The following CREBL2 variants were observed in gnomAD, a reference collection of about 807,000 sequenced individuals.
The protein encoded by CREBL2 is cAMP-responsive element-binding protein-like 2.
Under a neutral mutation model 19.5 loss-of-function variants are expected in CREBL2, and 4 were observed. The observed-to-expected ratio is 0.20, with a 90% CI of 0.10 to 0.47. The LOEUF is 0.47. Among genes scored for constraint, CREBL2 ranks in the 20% least tolerant of loss-of-function variants. CREBL2 has a pLI of 0.98. For synonymous variants in CREBL2, 42 were observed against 46.6 expected (o/e 0.90, Z 0.40); for missense variants, 85 against 145.1 (o/e 0.59, Z 2.13).
rs1272320782 is a variant in CREBL2 at position 12,637,629 on chromosome 12, A to G, written c.273A>G (p.Leu91=). Reference sequence around the variant, plus strand: ...AAATCCCTTCTGAAATAAAGGCCCTACTCACTGGAGAAGAGCAGAACAAAT... The same window carrying G: ...AAATCCCTTCTGAAATAAAGGCCCTGCTCACTGGAGAAGAGCAGAACAAAT... ...QGKIPSEIKA[L]LTGEEQNKSQ... The change falls in exon 3 of 4, where the codon CTA becomes CTG. Residue 91 remains leucine, a synonymous_variant. Transcript: ENST00000228865. 1.2e-6 allele frequency: 2 copies of G among 1,613,166 alleles called. No homozygotes were observed. The highest frequency in any genetic ancestry group is 1.7e-6 in the Non-Finnish European group (2 of 1,179,426).
rs371438601 is a variant in CREBL2, at chr12:12,618,585, G to A, written c.15+6398G>A. On this transcript the variant is annotated intron_variant, in intron 1 of 3. Transcript: ENST00000228865. ...CAGAGGGGCTCCTCACATCCCAGAC[G>A]ATGGGCAGCCAGGCAGAGACGCTCC... Among the ~76,000 whole-genome samples the A allele has an allele frequency of 9.5e-4, 144 of 152,158 alleles. 3 individuals carry two copies. The East Asian group carries it at 0.022, about 23-fold the overall frequency.
intron 3 of CREBL2, among the ~76,000 whole-genome samples, chr12:12,639,978 A>G (rs1031130339): frequency 2.6e-5 from 4 of 152,158 alleles, no homozygotes; most frequent in African/African-American, 4.8e-5. Flanking sequence ...GGAACAGGAC[A>G]AGGGCAAAAG....
In CREBL2 at chr12:12,641,253, A is replaced by ATTATTT. The variant is rs1478394376; in HGVS notation, c.359-739_359-738insATTTTT. ...TATTATTATTATTATTATTATTATTATTTTTTTTTATTTTTTTTTTTTTTA... is the reference window on the plus strand; with the variant it reads ...TATTATTATTATTATTATTATTATTATTATTTTTTTTTTTTATTTTTTTTTTTTTTA... On this transcript the variant is annotated intron_variant, in intron 3 of 3. Transcript: ENST00000228865. Among the ~76,000 whole-genome samples, 97 of 78,214 alleles carry ATTATTT rather than the reference A, an allele frequency of 1.2e-3. 2 individuals carry two copies. Among genetic ancestry groups the ATTATTT allele is most frequent in the Middle Eastern group, 8.5e-3 (1 of 118 alleles). 51.3% of individuals were successfully genotyped at this position (78,214 alleles called of 152,430 possible). A position where few individuals can be genotyped will look rare whatever the true frequency, so the allele number is the denominator to read the frequency against.
chr12:12,624,206 G>A (rs1295603241), intron 1 of CREBL2, among the ~76,000 whole-genome samples: 1 of 152,256 alleles, frequency 6.6e-6, no homozygotes, highest in Non-Finnish European at 1.5e-5. Flanking sequence ...GACATGGCCA[G>A]GGGCCATTAG....
intron 1 of CREBL2, among the ~76,000 whole-genome samples, chr12:12,619,080 G>A (rs1253056637): frequency 6.6e-6 from 1 of 151,992 alleles, no homozygotes; most frequent in East Asian, 1.9e-4. Context: ...GGAGAGGAGG[G>A]AGAGGAGGGA....
At position 12,645,012 on chromosome 12, in the gene CREBL2, G is replaced by A. The variant is rs562303831; in HGVS notation, c.*3014G>A. On this transcript the variant is annotated 3_prime_UTR_variant, in exon 4 of 4. Transcript: ENST00000228865. ...TGCTTTCTCATCTGTAAAAAAGGGG[G>A]GAGGATAACTTTCACAGGGTAATTG... 5.9e-5 allele frequency: 9 copies of A among 152,236 alleles called. No homozygotes were observed. The South Asian group carries it at 1.9e-3, about 32-fold the overall frequency. The allele number at this position is 152,236 out of a possible 1,614,324, so 9.4% of individuals were successfully genotyped here. A position where few individuals can be genotyped will look rare whatever the true frequency, so the allele number is the denominator to read the frequency against.
At chr12:12,637,037 T>C (rs1226877751) in intron 2 of CREBL2, among the ~76,000 whole-genome samples, 1 of 152,224 alleles carries the variant, frequency 6.6e-6, no homozygotes, top group Non-Finnish European at 1.5e-5. Context: ...ATGCTATCAA[T>C]TATTTCTTAC....
intron 3 of CREBL2, among the ~76,000 whole-genome samples, chr12:12,638,298 G>A (rs1000978117): frequency 3.3e-5 from 5 of 151,832 alleles, no homozygotes; most frequent in African/African-American, 9.7e-5. Context: ...AAAATTAGGC[G>A]CAGTGGTGTG....
chr12:12,641,256 T>A (rs55937402), intron 3 of CREBL2, among the ~76,000 whole-genome samples: 19,235 of 86,964 alleles, frequency 0.22, 2,136 homozygotes, highest in South Asian at 0.28. Context: ...TATTATTATT[T>A]TTTTTTATTT....
chr12:12,632,583 A>G (rs1945449487), intron 1 of CREBL2: 1 of 152,146 alleles, frequency 6.6e-6, no homozygotes, highest in Non-Finnish European at 1.5e-5. Context: ...AAAAAGAGCA[A>G]TATATGAGGT....
chr12:12,619,252 A>G (rs1945341583), intron 1 of CREBL2, among the ~76,000 whole-genome samples: 1 of 152,146 alleles, frequency 6.6e-6, no homozygotes, highest in Non-Finnish European at 1.5e-5. Flanking sequence ...AGATAGTGTG[A>G]GAAAGGTAGT....
At chr12:12,621,675 C>T (rs924863949) in intron 1 of CREBL2, among the ~76,000 whole-genome samples, 2 of 152,104 alleles carry the variant, frequency 1.3e-5, no homozygotes, top group African/African-American at 4.8e-5. Flanking sequence ...TTACAATATA[C>T]CTGGTAAACA....
chr12:12,643,300 CATA>C lies in CREBL2; in HGVS notation c.*1306_*1308del, dbSNP rs1008910246. 1 of 152,642 alleles carries C rather than the reference CATA, an allele frequency of 6.6e-6. No individual in the cohort carries two copies. Among genetic ancestry groups the C allele is most frequent in the Admixed American group, 6.5e-5 (1 of 15,288 alleles). The allele number at this position is 152,642 out of a possible 1,614,324, so 9.5% of individuals were successfully genotyped here. A position where few individuals can be genotyped will look rare whatever the true frequency, so the allele number is the denominator to read the frequency against. On this transcript the variant is annotated 3_prime_UTR_variant, in exon 4 of 4. Transcript: ENST00000228865. Reference sequence around the variant, plus strand: ...GGAGTGACGGTTGAAGAATCAAGCTCATAATATGATACACCCAGACAGACCCAG... The same window carrying C: ...GGAGTGACGGTTGAAGAATCAAGCTCATATGATACACCCAGACAGACCCAG...
intron 1 of CREBL2, among the ~76,000 whole-genome samples, chr12:12,616,726 T>C (rs1307177670): frequency 6.6e-6 from 1 of 152,212 alleles, no homozygotes; most frequent in East Asian, 1.9e-4. Context: ...TCCTAGTATA[T>C]ACAGACATAC....
chr12:12,623,472 C>T (rs991835432), intron 1 of CREBL2, among the ~76,000 whole-genome samples: 1 of 152,112 alleles, frequency 6.6e-6, no homozygotes, highest in African/African-American at 2.4e-5. Flanking sequence ...AGGGCTAGAG[C>T]TGATCTTAAC....
chr12:12,618,570 C>T (rs1945333940), intron 1 of CREBL2, among the ~76,000 whole-genome samples: 1 of 152,046 alleles, frequency 6.6e-6, no homozygotes, highest in South Asian at 2.1e-4. Flanking sequence ...CAGAGGGGCT[C>T]CTCACATCCC....
chr12:12,620,523 C>A (rs1945351477), intron 1 of CREBL2, among the ~76,000 whole-genome samples: 1 of 152,218 alleles, frequency 6.6e-6, no homozygotes, highest in South Asian at 2.1e-4. Context: ...AGCCACCATG[C>A]CCGGCCGCCT....
intron 1 of CREBL2, among the ~76,000 whole-genome samples, chr12:12,634,785 A>G (rs1202019009): frequency 6.6e-6 from 1 of 152,158 alleles, no homozygotes; most frequent in Non-Finnish European, 1.5e-5. Flanking sequence ...TCCAGGCACA[A>G]TGGCTCACAC....
intron 1 of CREBL2, among the ~76,000 whole-genome samples, chr12:12,613,036 T>G (rs1413831480): frequency 1.3e-5 from 2 of 152,146 alleles, no homozygotes; most frequent in Non-Finnish European, 1.5e-5. Flanking sequence ...CATGCCCGGC[T>G]AATTTTGTAT....
Sources: allele counts gnomAD v4.1 joint callset (sites outside exome capture counted in the v4.1 genomes callset), GRCh38; gene constraint gnomAD v4.1.1; transcripts MANE v1.5; gene names NCBI Gene and HGNC (gene_info 2026-07-23, HGNC 2026-07-21).